PPP2R2B: variants seen among roughly 807,000 people sequenced by gnomAD.
The protein encoded by PPP2R2B is protein phosphatase 2 regulatory subunit Bbeta.
In PPP2R2B, 5 loss-of-function variants were observed where a neutral mutation model predicts 46.0. That is an observed-to-expected ratio of 0.11 (90% CI 0.06 to 0.23). The LOEUF (loss-of-function observed/expected upper bound fraction) is 0.23, where lower values mean the gene tolerates loss of function less well. Ranked by LOEUF, PPP2R2B falls within the 10% of genes least tolerant of loss-of-function variation. The pLI, the probability that PPP2R2B is intolerant of heterozygous loss-of-function variation, is 1.00. For missense variants in PPP2R2B, 367 were observed against 575.0 expected, an observed-to-expected ratio of 0.64 and a Z score of 3.70; for synonymous variants, 215 against 206.7, an observed-to-expected ratio of 1.04 and a Z score of -0.34.
At chr5:146,997,340 C>T (rs984446799) in intron 1 of PPP2R2B, among the ~76,000 whole-genome samples, 6 of 152,212 alleles carry the variant, frequency 3.9e-5, no homozygotes, top group Admixed American at 2.0e-4. Context: ...ACACTTGTGT[C>T]TATCAACAGC....
rs10591869 is a variant in PPP2R2B at position 146,878,727 on chromosome 5, AGCTGCTGCTGCTGCT to A, written c.-276_-262del. On this transcript the variant is annotated 5_prime_UTR_variant, in exon 1 of 10. Coordinates refer to ENST00000394411, the MANE Select transcript of PPP2R2B (RefSeq NM_181675.4). This position sits in a 1 kb window ranked among gnomAD's most constrained non-coding sequence, Gnocchi z 4.5. Reference sequence around the variant, plus strand: ...CTCACACCCACACGCGCGCACTCGCAGCTGCTGCTGCTGCTGCTGCTGCTGCTGCTGCAGGAGGCT... The same window carrying A: ...CTCACACCCACACGCGCGCACTCGCAGCTGCTGCTGCTGCTGCAGGAGGCT... 36 of 1,297,482 alleles carry A rather than the reference AGCTGCTGCTGCTGCT, an allele frequency of 2.8e-5. No homozygotes were observed. Among genetic ancestry groups the A allele is most frequent in the East Asian group, 7.0e-5 (2 of 28,720 alleles). 80.4% of individuals were successfully genotyped at this position (1,297,482 alleles called of 1,614,324 possible).
rs183692081 is a variant in PPP2R2B, at chr5:146,606,813, C to A, written c.791-6353G>T. On this transcript the variant is annotated intron_variant, in intron 7 of 9. Transcript: ENST00000394411. ...CCAAGTGTCTCTCATTTCAATGTCA[C>A]CCCCACCCTGGCTGTGATGACGCGG... Among the ~76,000 whole-genome samples the A allele has an allele frequency of 3.2e-4, 49 of 152,262 alleles. No individual in the cohort carries two copies. In the East Asian group the frequency reaches 8.5e-3, roughly 26 times the overall value.
intron 1 of PPP2R2B, among the ~76,000 whole-genome samples, chr5:146,982,870 G>A (rs1753238379): frequency 6.6e-6 from 1 of 151,992 alleles, no homozygotes; most frequent in South Asian, 2.1e-4. Context: ...CTTCTGATCA[G>A]TGTTTGTATA....
At chr5:146,954,761 T>TGA (rs1751804474) in intron 1 of PPP2R2B, among the ~76,000 whole-genome samples, 1 of 148,396 alleles carries the variant, frequency 6.7e-6, no homozygotes, top group Non-Finnish European at 1.5e-5. Context: ...TATATATGTG[T>TGA]GTGTGTGTGT....
chr5:146,655,681 A>G (rs904477866), intron 5 of PPP2R2B, among the ~76,000 whole-genome samples: 1 of 152,220 alleles, frequency 6.6e-6, no homozygotes, highest in African/African-American at 2.4e-5. Flanking sequence ...TCAGGAGTCT[A>G]TACCCTTAGT....
At chr5:147,040,777 AG>A (rs1006000533) in intron 1 of PPP2R2B, 1 of 449,372 alleles carries the variant, frequency 2.2e-6, no homozygotes, top group Admixed American at 2.4e-5. Context: ...GTGTGTAAAT[AG>A]GGCCAATTTC....
At chr5:146,830,571 C>T (rs910274280) in intron 2 of PPP2R2B, among the ~76,000 whole-genome samples, 4 of 150,998 alleles carry the variant, frequency 2.6e-5, no homozygotes, top group Non-Finnish European at 5.9e-5. Context: ...GTCGCCCAGG[C>T]TGGAGTATAG....
At chr5:146,865,985 A>G (rs1281641970) in intron 2 of PPP2R2B, among the ~76,000 whole-genome samples, 1 of 152,156 alleles carries the variant, frequency 6.6e-6, no homozygotes, top group Non-Finnish European at 1.5e-5. Flanking sequence ...GGTTCCCGGT[A>G]CTCTTCTAGA....
At chr5:146,634,437 C>T (rs147560175) in intron 7 of PPP2R2B, among the ~76,000 whole-genome samples, 3,664 of 152,240 alleles carry the variant, frequency 0.024, 63 homozygotes, top group Middle Eastern at 0.041. Flanking sequence ...CAGGTTCAAG[C>T]GATGCTCCTG....
intron 1 of PPP2R2B, among the ~76,000 whole-genome samples, chr5:146,932,916 T>C (rs925237003): frequency 6.6e-6 from 1 of 152,174 alleles, no homozygotes; most frequent in South Asian, 2.1e-4. Context: ...GAAAGCTATA[T>C]CTAGCAGAGA....
intron 2 of PPP2R2B, among the ~76,000 whole-genome samples, chr5:146,774,375 C>A (rs1302173773): frequency 6.6e-6 from 1 of 151,946 alleles, no homozygotes; most frequent in Non-Finnish European, 1.5e-5. Flanking sequence ...AGTCTGAGAA[C>A]CAGGACCAAA....
chr5:146,860,544 T>C (rs1467062196), intron 2 of PPP2R2B, among the ~76,000 whole-genome samples: 1 of 152,202 alleles, frequency 6.6e-6, no homozygotes, highest in African/African-American at 2.4e-5. Flanking sequence ...AACAGCCTCA[T>C]TGCCATACAC....
intron 2 of PPP2R2B, among the ~76,000 whole-genome samples, chr5:146,713,170 T>C (rs904931290): frequency 6.6e-6 from 1 of 151,884 alleles, no homozygotes; most frequent in Non-Finnish European, 1.5e-5. Context: ...CTTGAAGGAG[T>C]GGAGGCGTTC....
chr5:146,632,717 T>C (rs1418725621), intron 7 of PPP2R2B, among the ~76,000 whole-genome samples: 7 of 152,170 alleles, frequency 4.6e-5, no homozygotes, highest in African/African-American at 1.7e-4. Context: ...AGTTAACTCT[T>C]AGGAAGTGAC....
chr5:146,730,870 T>C (rs1752188048), intron 2 of PPP2R2B, among the ~76,000 whole-genome samples: 1 of 151,962 alleles, frequency 6.6e-6, no homozygotes, highest in South Asian at 2.1e-4. Context: ...AAAAGAGAGG[T>C]GATCAGGGAA....
chr5:146,851,094 A>G (rs1024553272), intron 2 of PPP2R2B, among the ~76,000 whole-genome samples: 2 of 152,216 alleles, frequency 1.3e-5, no homozygotes, highest in African/African-American at 4.8e-5. Context: ...AATATTACAT[A>G]GAAGTGGACA....
At chr5:146,659,572 T>C (rs930782930) in intron 5 of PPP2R2B, among the ~76,000 whole-genome samples, 4 of 152,212 alleles carry the variant, frequency 2.6e-5, no homozygotes, top group African/African-American at 9.6e-5. Context: ...GATTGACACA[T>C]ACCATCTAAC....
chr5:146,666,956 T>A (rs761556267), intron 5 of PPP2R2B, among the ~76,000 whole-genome samples: 1 of 152,212 alleles, frequency 6.6e-6, no homozygotes, highest in Non-Finnish European at 1.5e-5. Flanking sequence ...TGTGATTTCC[T>A]AACCTCTCCT....
intron 2 of PPP2R2B, among the ~76,000 whole-genome samples, chr5:146,715,921 C>T (rs1458723742): frequency 1.3e-5 from 2 of 152,088 alleles, no homozygotes; most frequent in Non-Finnish European, 2.9e-5. Flanking sequence ...ACTTTTCCAT[C>T]ATTGTCACAC....
Sources: allele counts gnomAD v4.1 joint callset (sites outside exome capture counted in the v4.1 genomes callset), GRCh38; gene constraint gnomAD v4.1.1; non-coding constraint Gnocchi (gnomAD v3.1); transcripts MANE v1.5; gene names NCBI Gene and HGNC (gene_info 2026-07-23, HGNC 2026-07-21).